CILK1: variants seen among roughly 807,000 people sequenced by gnomAD.
CILK1 encodes serine/threonine-protein kinase ICK.
Under a neutral mutation model 79.2 loss-of-function variants are expected in CILK1, and 47 were observed. The observed-to-expected ratio is 0.59, with a 90% CI of 0.47 to 0.76. The LOEUF (loss-of-function observed/expected upper bound fraction) is 0.76. CILK1 is among the 30% of genes least tolerant of loss of function. The pLI, the probability that CILK1 is intolerant of heterozygous loss-of-function variation, is 0.00. For synonymous variants in CILK1, 266 were observed against 275.9 expected, an observed-to-expected ratio of 0.96 and a Z score of 0.36; for missense variants, 660 against 769.5, an observed-to-expected ratio of 0.86 and a Z score of 1.68.
At chr6:53,055,221 T>C (rs553211704) in intron 1 of CILK1, among the ~76,000 whole-genome samples, 2 of 152,340 alleles carry the variant, frequency 1.3e-5, no homozygotes, top group South Asian at 4.1e-4. Flanking sequence ...TAATTCTGAG[T>C]TCCATTTTAC....
chr6:53,016,306 T>A, intron 7 of CILK1, 56 bp from the exon 8 acceptor site: 1 of 1,585,958 alleles, frequency 6.3e-7, no homozygotes, highest in Admixed American at 1.7e-5. Context: ...GATATAAGTT[T>A]GTATTCTGGC....
intron 2 of CILK1, among the ~76,000 whole-genome samples, chr6:53,039,793 TA>T (rs1448374817): frequency 6.6e-6 from 1 of 152,078 alleles, no homozygotes; most frequent in South Asian, 2.1e-4. Flanking sequence ...CTGATATGAA[TA>T]GGGGGAAAAA....
In CILK1 at chr6:53,002,178, G is replaced by C. The variant is rs1275368605; in HGVS notation, c.*2971C>G. 1.3e-5 allele frequency: 2 copies of C among 152,090 alleles called. No individual in the cohort carries two copies. The highest frequency in any genetic ancestry group is 4.8e-5 in the African/African-American group (2 of 41,412). 9.4% of individuals were successfully genotyped at this position (152,090 alleles called of 1,614,324 possible). ...GCTTGGTAATTAATGGAATTTTTTT[G>C]TAAAATGAACAATCATGTCAAGAGT... On this transcript the variant is annotated 3_prime_UTR_variant, in exon 14 of 14. Transcript: ENST00000676107.
intron 5 of CILK1, among the ~76,000 whole-genome samples, chr6:53,022,588 C>G (rs920543017): frequency 6.6e-6 from 1 of 152,218 alleles, no homozygotes; most frequent in Non-Finnish European, 1.5e-5. Flanking sequence ...TCTAACAACA[C>G]ATTTCTCAGA....
chr6:53,030,391 A>C (rs1765858305), intron 5 of CILK1, among the ~76,000 whole-genome samples: 1 of 152,208 alleles, frequency 6.6e-6, no homozygotes, highest in African/African-American at 2.4e-5. Context: ...TATCAAGAAT[A>C]GTTCTGCTTT....
chr6:53,037,663 A>G (rs1378033570), intron 3 of CILK1, among the ~76,000 whole-genome samples: 1 of 152,236 alleles, frequency 6.6e-6, no homozygotes, highest in African/African-American at 2.4e-5. Flanking sequence ...TTAATAATTA[A>G]GAAAATAGGC....
intron 12 of CILK1, among the ~76,000 whole-genome samples, chr6:53,008,845 G>A (rs541221699): frequency 2.0e-5 from 3 of 152,300 alleles, no homozygotes; most frequent in African/African-American, 4.8e-5. Context: ...CAGTGCACTT[G>A]GCAGTGCAGA....
At chr6:53,024,076 C>T (rs558645296) in intron 5 of CILK1, among the ~76,000 whole-genome samples, 5 of 152,206 alleles carry the variant, frequency 3.3e-5, no homozygotes, top group Non-Finnish European at 7.3e-5. Context: ...GAGACAGGCA[C>T]AGCAAGTTTG....
chr6:53,047,341 T>C (rs1449279984), intron 1 of CILK1, among the ~76,000 whole-genome samples: 3 of 152,014 alleles, frequency 2.0e-5, no homozygotes, highest in African/African-American at 7.3e-5. Flanking sequence ...TCTCACTCTG[T>C]CACCCAGGCT....
Position 53,013,745 on chromosome 6 carries a change from T to C in CILK1, c.1069A>G (p.Arg357Gly), listed in dbSNP as rs999382046. 30 of 1,614,046 alleles carry C rather than the reference T, an allele frequency of 1.9e-5. No homozygotes were observed. The highest frequency in any genetic ancestry group is 2.5e-5 in the Non-Finnish European group (29 of 1,180,036). ...TGGAGATGGCTTGGGTGATCTGTCC[T>C]GGAGACCTCTGCTTTGTAGGGGTAC... ...LTYPYKAEVS[R>G]TDHPSHLQED... The change falls in exon 9 of 14, where the codon AGG (arginine) becomes GGG (glycine). Residue 357 changes from arginine to glycine, a missense_variant. By Grantham distance (125) the Arg-to-Gly change is moderately radical (BLOSUM62 -2). Coordinates refer to ENST00000676107, the MANE Select transcript of CILK1 (RefSeq NM_014920.5).
intron 12 of CILK1, among the ~76,000 whole-genome samples, chr6:53,007,700 C>CA (rs1211761668): frequency 1.3e-4 from 20 of 151,060 alleles, no homozygotes; most frequent in South Asian, 4.2e-4. Context: ...GAGACCCAGG[C>CA]GGGTGGATCA....
At chr6:53,008,501 C>A (rs1764372903) in intron 12 of CILK1, among the ~76,000 whole-genome samples, 1 of 151,904 alleles carries the variant, frequency 6.6e-6, no homozygotes, top group African/African-American at 2.4e-5. Flanking sequence ...TCTTGGCTCA[C>A]TGCAACCTCC....
chr6:53,036,497 C>A (rs1413443310), intron 3 of CILK1, among the ~76,000 whole-genome samples: 1 of 152,160 alleles, frequency 6.6e-6, no homozygotes, highest in African/African-American at 2.4e-5. Flanking sequence ...CTCACTGCAA[C>A]CTCCACTTCC....
chr6:53,029,774 C>T (rs148328492), intron 5 of CILK1, among the ~76,000 whole-genome samples: 1 of 152,334 alleles, frequency 6.6e-6, no homozygotes, highest in East Asian at 1.9e-4. Context: ...AGGGCTTCCA[C>T]CCAGTCTCCT....
chr6:53,031,054 G>A lies in CILK1; in HGVS notation c.358+11C>T, dbSNP rs199892016. ...CTGCTCTTCAAAAGCACAACACTCCGAATCACCTACCGTGTTTGTGAATAA... is the reference window on the plus strand; with the variant it reads ...CTGCTCTTCAAAAGCACAACACTCCAAATCACCTACCGTGTTTGTGAATAA... On this transcript the variant is annotated intron_variant, in intron 5 of 13. Transcript: ENST00000676107. The A allele has an allele frequency of 1.9e-3, 2,895 of 1,551,528 alleles. 6 individuals carry two copies. The highest frequency in any genetic ancestry group is 2.1e-3 in the Non-Finnish European group (2,383 of 1,123,226).
At chr6:53,044,617 T>C (rs1766937941) in intron 1 of CILK1, among the ~76,000 whole-genome samples, 1 of 152,166 alleles carries the variant, frequency 6.6e-6, no homozygotes, top group Non-Finnish European at 1.5e-5. Context: ...CAGGTAAATC[T>C]GGGTAAAGAG....
intron 7 of CILK1, among the ~76,000 whole-genome samples, chr6:53,017,948 G>A (rs1764988881): frequency 6.6e-6 from 1 of 152,164 alleles, no homozygotes; most frequent in African/African-American, 2.4e-5. Context: ...GATGGTGAGG[G>A]AGTCAGGAGA....
intron 9 of CILK1, 142 bp from the exon 10 acceptor site, chr6:53,012,369 A>G (rs889237959): frequency 5.4e-6 from 4 of 734,256 alleles, no homozygotes; most frequent in Middle Eastern, 3.5e-4. Context: ...GCAACTGTAG[A>G]AAACACATTC....
intron 3 of CILK1, among the ~76,000 whole-genome samples, chr6:53,037,508 C>A (rs1766435343): frequency 6.6e-6 from 1 of 152,130 alleles, no homozygotes; most frequent in Non-Finnish European, 1.5e-5. Flanking sequence ...GCTGGTAAGT[C>A]TGTGTGAGGC....
Sources: gnomAD v4.1 joint callset for allele counts (sites outside exome capture counted in the v4.1 genomes callset) on GRCh38, gnomAD v4.1.1 for gene constraint, MANE v1.5 for transcripts, NCBI Gene and HGNC (gene_info 2026-07-23, HGNC 2026-07-21) for gene names.